Variants in CDH18 observed in about 807,000 individuals in gnomAD.
CDH18 encodes the protein cadherin-18.
CDH18 carries 31 observed loss-of-function variants against 67.9 expected under a neutral mutation model. The observed-to-expected ratio is 0.46, with a 90% CI of 0.34 to 0.62. CDH18 has a LOEUF of 0.62. CDH18 is among the 20% of genes least tolerant of loss of function. CDH18 has a pLI of 0.01. For missense variants in CDH18, 890 were observed against 975.5 expected (o/e 0.91, Z 1.17); for synonymous variants, 362 against 347.2 (o/e 1.04, Z -0.48).
At chr5:19,581,067 C>T (rs188523668) in intron 7 of CDH18, among the ~76,000 whole-genome samples, 2 of 151,980 alleles carry the variant, frequency 1.3e-5, no homozygotes, top group African/African-American at 2.4e-5. Context: ...AACTAAAATG[C>T]TATTGATAAA....
At position 20,322,124 on chromosome 5, in the gene CDH18, G is replaced by A. The variant is rs1211049500; in HGVS notation, c.-579-66619C>T. On this transcript the variant is annotated intron_variant, in intron 1 of 14. Transcript: ENST00000507958. ...GCAGGAACAGAGTGCATGGTTGGAA[G>A]ATGGATTTCATCTTCCTACTGTAAA... Among the ~76,000 whole-genome samples the A allele has an allele frequency of 6.6e-5, 10 of 152,134 alleles. No homozygotes were observed. The South Asian group carries it at 1.9e-3, about 28-fold the overall frequency.
chr5:20,122,309 C>G (rs186228628), intron 2 of CDH18, among the ~76,000 whole-genome samples: 1 of 151,982 alleles, frequency 6.6e-6, no homozygotes, highest in Non-Finnish European at 1.5e-5. Flanking sequence ...TTTACTTTGC[C>G]CTGCTGTTTT....
At chr5:19,585,511 G>C (rs953595825) in intron 7 of CDH18, among the ~76,000 whole-genome samples, 1 of 151,998 alleles carries the variant, frequency 6.6e-6, no homozygotes, top group Admixed American at 6.6e-5. Context: ...TACTATCTTA[G>C]GTTGTTTCCT....
At chr5:20,218,017 A>T (rs1261415226) in intron 2 of CDH18, among the ~76,000 whole-genome samples, 1 of 151,952 alleles carries the variant, frequency 6.6e-6, no homozygotes, top group Non-Finnish European at 1.5e-5. Flanking sequence ...GCACCCAGAT[A>T]TGCAAAGCAA....
At chr5:19,723,217 C>T (rs113035140) in intron 4 of CDH18, among the ~76,000 whole-genome samples, 2,478 of 151,762 alleles carry the variant, frequency 0.016, 43 homozygotes, top group African/African-American at 0.047. Context: ...TGCAGTGAGC[C>T]GAGATTGTGC....
chr5:20,036,763 T>A (rs755774668), intron 2 of CDH18, among the ~76,000 whole-genome samples: 1 of 152,094 alleles, frequency 6.6e-6, no homozygotes, highest in Non-Finnish European at 1.5e-5. Flanking sequence ...TCTTTGTAGG[T>A]CTATAAGAAT....
At chr5:19,924,250 T>A (rs1351067749) in intron 2 of CDH18, among the ~76,000 whole-genome samples, 1 of 152,212 alleles carries the variant, frequency 6.6e-6, no homozygotes, top group Non-Finnish European at 1.5e-5. Flanking sequence ...CAATGCAGCA[T>A]GCAGTCTGTC....
intron 1 of CDH18, among the ~76,000 whole-genome samples, chr5:20,514,438 T>C (rs1460369478): frequency 1.3e-5 from 2 of 152,138 alleles, no homozygotes; most frequent in Admixed American, 1.3e-4. Flanking sequence ...TTGGTCGTCA[T>C]GCTTTTTAAA....
intron 2 of CDH18, among the ~76,000 whole-genome samples, chr5:19,946,973 GA>G (rs1157659543): frequency 2.6e-5 from 4 of 151,890 alleles, no homozygotes; most frequent in South Asian, 2.1e-4. Context: ...ACAGAATAAA[GA>G]AAAAAATTAT....
At chr5:20,175,460 G>C (rs1292763134) in intron 2 of CDH18, among the ~76,000 whole-genome samples, 1 of 152,064 alleles carries the variant, frequency 6.6e-6, no homozygotes, top group Non-Finnish European at 1.5e-5. Flanking sequence ...TCACCAAAGA[G>C]CCTGTGGATC....
intron 1 of CDH18, among the ~76,000 whole-genome samples, chr5:20,525,083 C>T (rs1465954456): frequency 6.6e-6 from 1 of 152,130 alleles, no homozygotes; most frequent in East Asian, 1.9e-4. Context: ...ACCTGAGGAG[C>T]AGCAACACTA....
chr5:19,855,478 CATTTT>C (rs1047124267), intron 2 of CDH18, among the ~76,000 whole-genome samples: 2 of 152,020 alleles, frequency 1.3e-5, no homozygotes, highest in Non-Finnish European at 2.9e-5. Flanking sequence ...TCTCTGTGTA[CATTTT>C]ATTTTATTTT....
At chr5:19,477,746 G>A (rs1343329743) in intron 12 of CDH18, among the ~76,000 whole-genome samples, 1 of 151,950 alleles carries the variant, frequency 6.6e-6, no homozygotes, top group Non-Finnish European at 1.5e-5. Flanking sequence ...CATTGGCAAG[G>A]TACCTCTTCT....
chr5:19,889,266 C>T (rs760756860), intron 2 of CDH18, among the ~76,000 whole-genome samples: 2 of 151,710 alleles, frequency 1.3e-5, no homozygotes, highest in African/African-American at 4.8e-5. Context: ...ATCTAGTTTG[C>T]TAATAATTTT....
chr5:19,684,562 T>C (rs1054065633), intron 5 of CDH18, among the ~76,000 whole-genome samples: 1 of 151,352 alleles, frequency 6.6e-6, no homozygotes, highest in Non-Finnish European at 1.5e-5. Flanking sequence ...CTATAGCTTT[T>C]TTTCAGATAC....
rs546964882 is a variant in CDH18, at chr5:20,067,632, G to A, written c.-517-75618C>T. 2.0e-5 allele frequency among the ~76,000 whole-genome samples: 3 copies of A among 152,150 alleles called. No individual in the cohort carries two copies. The South Asian group carries it at 6.2e-4, about 32-fold the overall frequency. Reference sequence around the variant, plus strand: ...AACTAATTACGAATTCAGACTCACAGTGTACTGTAGCAAAGCTACCAGGCC... The same window carrying A: ...AACTAATTACGAATTCAGACTCACAATGTACTGTAGCAAAGCTACCAGGCC... On this transcript the variant is annotated intron_variant, in intron 2 of 14. Transcript: ENST00000507958.
chr5:19,753,140 TC>T (rs1771082179), intron 3 of CDH18, among the ~76,000 whole-genome samples: 1 of 151,932 alleles, frequency 6.6e-6, no homozygotes, highest in Admixed American at 6.6e-5. Context: ...CCCCCAAAAA[TC>T]CTACTAGCTT....
At chr5:19,531,615 A>T (rs1340400171) in intron 9 of CDH18, among the ~76,000 whole-genome samples, 1 of 122,212 alleles carries the variant, frequency 8.2e-6, no homozygotes, top group African/African-American at 3.9e-5. Flanking sequence ...GTTCTCACAC[A>T]CACACACACA....
intron 2 of CDH18, among the ~76,000 whole-genome samples, chr5:20,138,111 C>T (rs1388504208): frequency 6.6e-6 from 1 of 151,994 alleles, no homozygotes; most frequent in Admixed American, 6.6e-5. Context: ...AAAAGCTTAT[C>T]CACCATGATC....
Sources: allele counts gnomAD v4.1 joint callset (sites outside exome capture counted in the v4.1 genomes callset), GRCh38; gene constraint gnomAD v4.1.1; transcripts MANE v1.5; gene names NCBI Gene and HGNC (gene_info 2026-07-23, HGNC 2026-07-21).